Variants in THAP5 observed in about 807,000 individuals in gnomAD.
THAP5 encodes the protein THAP domain-containing protein 5.
THAP5 carries 26 observed loss-of-function variants against 34.0 expected under a neutral mutation model. The observed-to-expected ratio is 0.77, with a 90% confidence interval of 0.56 to 1.06. The LOEUF is 1.06. Ranked by LOEUF, THAP5 falls within the 50% of genes least tolerant of loss-of-function variation. The probability of loss-of-function intolerance (pLI) is 0.00; values close to 1 mark genes in which losing one functional copy is unlikely to be tolerated. For missense variants in THAP5, 394 were observed against 452.8 expected, an observed-to-expected ratio of 0.87 and a Z score of 1.18; for synonymous variants, 125 against 153.0, an observed-to-expected ratio of 0.82 and a Z score of 1.35.
At chr7:108,552,136 C>T (rs1446784780), downstream of THAP5, among the ~76,000 whole-genome samples, 1 of 152,144 alleles carries the variant, frequency 6.6e-6, no homozygotes, top group Non-Finnish European at 1.5e-5. Flanking sequence ...TGCCCCTGCC[C>T]AGCTAGAGAC....
chr7:108,565,881 A>C lies in THAP5; in HGVS notation c.222T>G (p.Tyr74Ter). Residue 74 changes from tyrosine (Y) to a stop codon, truncating the protein, a stop_gained, in exon 2 of 3, where the codon TAT becomes TAG. Transcript: ENST00000415914. LOFTEE classifies it high-confidence loss of function. ...DSLDIRWGIR[Y>*]LKQTAVPTIF... Reference sequence around the variant, plus strand: ...TTGTTGGAACTGCAGTTTGTTTTAAATATCGAATACCCCATCTGATGTCAA... The same window carrying C: ...TTGTTGGAACTGCAGTTTGTTTTAACTATCGAATACCCCATCTGATGTCAA... 2 of 1,547,880 alleles carry C rather than the reference A, an allele frequency of 1.3e-6. No homozygotes were observed. Among genetic ancestry groups the C allele is most frequent in the African/African-American group, 1.4e-5 (1 of 72,860 alleles).
At position 108,569,702 on chromosome 7, in the gene THAP5, C is replaced by G; in HGVS notation, c.-133G>C. The G allele has an allele frequency of 2.5e-6, 3 of 1,201,362 alleles. No individual in the cohort carries two copies. Among genetic ancestry groups the G allele is most frequent in the Non-Finnish European group, 3.5e-6 (3 of 860,118 alleles). The allele number at this position is 1,201,362 out of a possible 1,614,324, so 74.4% of individuals were successfully genotyped here. A position where few individuals can be genotyped will look rare whatever the true frequency, so the allele number is the denominator to read the frequency against. ...TAGCATTCTGCCGGGAAAGCCGCCT[C>G]GTCTGTCGACTCACTTCCGCCTCCT... On this transcript the variant is annotated 5_prime_UTR_variant, in exon 1 of 3. Transcript: ENST00000415914.
downstream of THAP5, among the ~76,000 whole-genome samples, chr7:108,561,551 G>A (rs1864431301): frequency 6.6e-6 from 1 of 151,674 alleles, no homozygotes; most frequent in Non-Finnish European, 1.5e-5. Flanking sequence ...TAACAGGCAT[G>A]AGCCACTGCA....
chr7:108,549,515 C>T, the THAP5 span, among the ~76,000 whole-genome samples: 1 of 152,096 alleles, frequency 6.6e-6, no homozygotes, highest in Non-Finnish European at 1.5e-5. Context: ...TCATTCTACC[C>T]CTTGCTTCTG....
chr7:108,566,167 G>C (rs1790484273), intron 1 of THAP5, 145 bp from the exon 2 acceptor site: 1 of 621,686 alleles, frequency 1.6e-6, no homozygotes, highest in Admixed American at 3.3e-5. Context: ...CCAAATAAGA[G>C]CATCTTCATG....
the THAP5 span, among the ~76,000 whole-genome samples, chr7:108,549,128 A>ACACACACAC: frequency 2.4e-5 from 3 of 124,676 alleles, no homozygotes; most frequent in Admixed American, 8.2e-5. Flanking sequence ...ACACACACAC[A>ACACACACAC]AGTACTTTTT....
At chr7:108,544,254 C>T in the THAP5 span, among the ~76,000 whole-genome samples, 50 of 152,026 alleles carry the variant, frequency 3.3e-4, no homozygotes, top group Non-Finnish European at 4.7e-4. Flanking sequence ...GGGCCAGGGA[C>T]GCTGGTTTAC....
rs1254245711 is a variant in THAP5 at position 108,564,165 on chromosome 7, A to G, written c.*26T>C. 2.6e-6 allele frequency: 4 copies of G among 1,514,072 alleles called. No homozygotes were observed. Among genetic ancestry groups the G allele is most frequent in the Non-Finnish European group, 2.7e-6 (3 of 1,128,436 alleles). 93.8% of individuals were successfully genotyped at this position (1,514,072 alleles called of 1,614,324 possible). On this transcript the variant is annotated 3_prime_UTR_variant, in exon 3 of 3. Coordinates refer to ENST00000415914, the MANE Select transcript of THAP5 (RefSeq NM_001130475.3). Reference sequence around the variant, plus strand: ...TTTGGCTGGAAAAAGCTTATTTAACAGCCATAGTTTTAAAACCTAGTTATT... The same window carrying G: ...TTTGGCTGGAAAAAGCTTATTTAACGGCCATAGTTTTAAAACCTAGTTATT...
At chr7:108,559,101 A>G (rs1322876210), downstream of THAP5, among the ~76,000 whole-genome samples, 2 of 152,190 alleles carry the variant, frequency 1.3e-5, no homozygotes, top group Non-Finnish European at 2.9e-5. Flanking sequence ...TTAAAGGGGG[A>G]ACAAAACACA....
downstream of THAP5, among the ~76,000 whole-genome samples, chr7:108,560,542 A>G (rs1277534223): frequency 3.3e-5 from 5 of 152,220 alleles, no homozygotes; most frequent in Admixed American, 3.3e-4. Context: ...GAATTTAAAA[A>G]CCGAATGACT....
chr7:108,566,859 A>G (rs988063472), intron 1 of THAP5, among the ~76,000 whole-genome samples: 1 of 152,208 alleles, frequency 6.6e-6, no homozygotes, highest in Admixed American at 6.5e-5. Context: ...TTTCCTATCA[A>G]TCTAAAAAGG....
chr7:108,557,488 C>T (rs948561772), downstream of THAP5, among the ~76,000 whole-genome samples: 1 of 152,222 alleles, frequency 6.6e-6, no homozygotes, highest in African/African-American at 2.4e-5. Flanking sequence ...ACTAACCCAT[C>T]TCTCTTGACT....
chr7:108,546,881 C>T, the THAP5 span, among the ~76,000 whole-genome samples: 2 of 152,134 alleles, frequency 1.3e-5, no homozygotes, highest in African/African-American at 2.4e-5. Flanking sequence ...GTTTCAGTCT[C>T]GCTTGCATTG....
At chr7:108,569,391 G>A in intron 1 of THAP5, 99 bp downstream of exon 1, 3 of 1,539,216 alleles carry the variant, frequency 1.9e-6, no homozygotes, top group Non-Finnish European at 2.6e-6. Flanking sequence ...GGAGAGCTGA[G>A]GACTCACTGG....
the THAP5 span, among the ~76,000 whole-genome samples, chr7:108,546,996 C>A: frequency 6.6e-6 from 1 of 152,170 alleles, no homozygotes; most frequent in African/African-American, 2.4e-5. Context: ...AGGAAACTAT[C>A]CAGGTGGACT....
In THAP5 at chr7:108,564,196, T is replaced by G. The variant is rs772270677; in HGVS notation, c.1183A>C (p.Ile395Leu). The change falls in exon 3 of 3, where the codon ATA (isoleucine) becomes CTA (leucine). Residue 395 changes from isoleucine (I) to leucine (L), a missense_variant. By Grantham distance (5) the Ile-to-Leu change is conservative. Coordinates refer to ENST00000415914, the MANE Select transcript of THAP5 (RefSeq NM_001130475.3). ...NHFTTYEVTM[I>L] ...AGTTTTAAAACCTAGTTATTCTATA[T>G]CATAGTGACTTCATATGTTGTAAAA... The G allele has an allele frequency of 1.5e-5, 24 of 1,577,556 alleles. No individual in the cohort carries two copies. The South Asian group carries it at 2.7e-4, about 18-fold the overall frequency.
the THAP5 span, among the ~76,000 whole-genome samples, chr7:108,548,909 T>C: frequency 6.6e-6 from 1 of 152,012 alleles, no homozygotes; most frequent in Non-Finnish European, 1.5e-5. Context: ...TGAATAGGAG[T>C]GAGCCCATAG....
the THAP5 span, among the ~76,000 whole-genome samples, chr7:108,548,630 C>A: frequency 2.4e-4 from 37 of 152,250 alleles, no homozygotes; most frequent in East Asian, 7.1e-3. Flanking sequence ...GCTGGGGAGG[C>A]CTCACAATCA....
the THAP5 span, among the ~76,000 whole-genome samples, chr7:108,545,022 C>CT: frequency 6.6e-6 from 1 of 151,948 alleles, no homozygotes. Flanking sequence ...TCAAAGGAAA[C>CT]TAGTAGAGAT....
Sources: gnomAD v4.1 joint callset for allele counts (sites outside exome capture counted in the v4.1 genomes callset) on GRCh38, gnomAD v4.1.1 for gene constraint, MANE v1.5 for transcripts, NCBI Gene and HGNC (gene_info 2026-07-23, HGNC 2026-07-21) for gene names.